The following VRK2 variants were observed in gnomAD, a reference collection of about 807,000 sequenced individuals.
VRK2 encodes serine/threonine-protein kinase VRK2.
In VRK2, 60 loss-of-function variants were observed where a neutral mutation model predicts 57.6. The observed-to-expected ratio is 1.04, with a 90% CI of 0.85 to 1.29. The LOEUF is 1.29. Among genes scored for constraint, VRK2 ranks in the 50% most tolerant of loss-of-function variants. The probability of loss-of-function intolerance (pLI) is 0.00; values close to 1 mark genes in which losing one functional copy is unlikely to be tolerated. For synonymous variants in VRK2, 231 were observed against 199.2 expected, an observed-to-expected ratio of 1.16 and a Z score of -1.35; for missense variants, 705 against 588.1, an observed-to-expected ratio of 1.20 and a Z score of -2.06.
chr2:58,067,092 G>T (rs1668710845), intron 2 of VRK2, among the ~76,000 whole-genome samples: 1 of 152,162 alleles, frequency 6.6e-6, no homozygotes, highest in Admixed American at 6.5e-5. Flanking sequence ...CCTGCTGGAT[G>T]CTTCCTGCTC....
intron 2 of VRK2, among the ~76,000 whole-genome samples, chr2:58,050,866 A>G (rs1032659337): frequency 4.6e-5 from 7 of 150,548 alleles, no homozygotes; most frequent in Admixed American, 3.3e-4. Context: ...TTTTTTTGAG[A>G]CAGAGTCTCG....
intron 2 of VRK2, among the ~76,000 whole-genome samples, chr2:58,058,720 C>CT: frequency 6.6e-6 from 1 of 152,050 alleles, no homozygotes; most frequent in South Asian, 2.1e-4. Flanking sequence ...AAATCCTTCA[C>CT]TTAGTGTGTG....
chr2:57,940,730 C>A (rs1019262895), intron 1 of VRK2, among the ~76,000 whole-genome samples: 4 of 152,086 alleles, frequency 2.6e-5, no homozygotes, highest in African/African-American at 9.7e-5. Context: ...CTTACTTCAA[C>A]TAAAGAAACA....
At chr2:58,028,913 T>A (rs868159430) in intron 2 of VRK2, among the ~76,000 whole-genome samples, 8 of 102,302 alleles carry the variant, frequency 7.8e-5, no homozygotes, top group African/African-American at 3.8e-4. Flanking sequence ...AATATATATA[T>A]ATATATATAT....
At chr2:57,924,001 C>T (rs1431609543) in intron 1 of VRK2, among the ~76,000 whole-genome samples, 1 of 151,848 alleles carries the variant, frequency 6.6e-6, no homozygotes, top group Non-Finnish European at 1.5e-5. Context: ...AATGTATGTT[C>T]TTGGCACCTT....
intron 1 of VRK2, among the ~76,000 whole-genome samples, chr2:58,017,309 T>C (rs1673615747): frequency 6.6e-6 from 1 of 152,170 alleles, no homozygotes; most frequent in South Asian, 2.1e-4. Context: ...AGTCATTTTA[T>C]TTGCTCTCCA....
At chr2:58,059,937 T>C (rs1677080893) in intron 2 of VRK2, among the ~76,000 whole-genome samples, 1 of 151,886 alleles carries the variant, frequency 6.6e-6, no homozygotes, top group Non-Finnish European at 1.5e-5. Flanking sequence ...TGTCAAATTC[T>C]GGAGAATGTA....
chr2:57,969,278 C>T (rs1038820811), intron 1 of VRK2, among the ~76,000 whole-genome samples: 5 of 151,824 alleles, frequency 3.3e-5, no homozygotes, highest in Admixed American at 1.3e-4. Flanking sequence ...GCAACATATA[C>T]AATTTTCATC....
At chr2:57,961,382 T>A (rs1295707951) in intron 1 of VRK2, among the ~76,000 whole-genome samples, 1 of 152,046 alleles carries the variant, frequency 6.6e-6, no homozygotes, top group Non-Finnish European at 1.5e-5. Flanking sequence ...AACTTTGTGA[T>A]TGAAAAAAGC....
intron 7 of VRK2, among the ~76,000 whole-genome samples, chr2:58,110,553 C>G (rs555862842): frequency 3.4e-4 from 52 of 152,240 alleles, no homozygotes; most frequent in African/African-American, 1.2e-3. Flanking sequence ...TATTATTATA[C>G]AGTACTTTTT....
chr2:57,910,233 C>A (rs1018195294), intron 1 of VRK2, among the ~76,000 whole-genome samples: 1 of 152,138 alleles, frequency 6.6e-6, no homozygotes, highest in Non-Finnish European at 1.5e-5. Flanking sequence ...CAGATAAATC[C>A]CTTTCTCCAT....
intron 1 of VRK2, among the ~76,000 whole-genome samples, chr2:58,006,899 T>G (rs1270000853): frequency 6.6e-6 from 1 of 152,074 alleles, no homozygotes; most frequent in Admixed American, 6.6e-5. Context: ...AGTCATGACC[T>G]CCCAATTCCT....
In VRK2 at chr2:58,159,506, C is replaced by A. The variant is rs1684730252; in HGVS notation, c.1340C>A (p.Ser447Tyr). Residue 447 changes from serine to tyrosine, a missense_variant, in exon 13 of 13, where the codon TCT (serine) becomes TAT (tyrosine). Transcript: ENST00000340157. ...TSPDIFKKSR[S>Y]PSWYKYTSTV... is the part of the protein sequence containing the mutation. ...CCAGATATATTCAAGAAGTCAAGAT[C>A]TCCATCTTGGTATAAATACACTTCC... 1 of 1,613,546 alleles carries A rather than the reference C, an allele frequency of 6.2e-7. No homozygotes were observed. The highest frequency in any genetic ancestry group is 8.5e-7 in the Non-Finnish European group (1 of 1,179,744).
intron 12 of VRK2, 115 bp from the exon 13 acceptor site, chr2:58,159,234 C>A (rs570786939): frequency 4.0e-6 from 3 of 758,060 alleles, no homozygotes; most frequent in Non-Finnish European, 6.2e-6. Context: ...AAAAATAACA[C>A]GCAAAAACTT....
At chr2:57,949,653 C>T (rs1173432754) in intron 1 of VRK2, among the ~76,000 whole-genome samples, 3 of 152,082 alleles carry the variant, frequency 2.0e-5, no homozygotes, top group Non-Finnish European at 4.4e-5. Flanking sequence ...ATTAATAACC[C>T]TACAATGGCC....
At chr2:57,984,752 G>T (rs1672541045) in intron 1 of VRK2, among the ~76,000 whole-genome samples, 2 of 151,876 alleles carry the variant, frequency 1.3e-5, no homozygotes, top group South Asian at 4.1e-4. Context: ...TATACATTTT[G>T]AAAAGAAGAA....
At chr2:58,003,356 T>C (rs1673145602) in intron 1 of VRK2, among the ~76,000 whole-genome samples, 1 of 152,114 alleles carries the variant, frequency 6.6e-6, no homozygotes, top group Non-Finnish European at 1.5e-5. Context: ...TAAAATCACA[T>C]TGCAACATTT....
intron 8 of VRK2, among the ~76,000 whole-genome samples, chr2:58,130,142 G>C (rs1484151082): frequency 6.6e-6 from 1 of 152,070 alleles, no homozygotes; most frequent in Non-Finnish European, 1.5e-5. Flanking sequence ...GGCTAGGAAG[G>C]TTCAATCTAT....
chr2:58,046,711 C>T (rs1572830397), upstream of VRK2: 19 of 985,552 alleles, frequency 1.9e-5, no homozygotes, highest in Non-Finnish European at 2.3e-5. Context: ...ACTGCGAGGC[C>T]GACGCAGCTG....
Sources: gnomAD v4.1 joint callset for allele counts (sites outside exome capture counted in the v4.1 genomes callset) on GRCh38, gnomAD v4.1.1 for gene constraint, MANE v1.5 for transcripts, NCBI Gene and HGNC (gene_info 2026-07-23, HGNC 2026-07-21) for gene names.